Variants in AUTS2 observed in about 807,000 individuals in gnomAD.
The protein encoded by AUTS2 is activator of transcription and developmental regulator AUTS2.
A neutral mutation model predicts 112.4 loss-of-function variants in AUTS2; 17 were observed. That is an observed-to-expected ratio of 0.15 (90% CI 0.10 to 0.23). The LOEUF (loss-of-function observed/expected upper bound fraction) is 0.23, where lower values mean the gene tolerates loss of function less well. Ranked by LOEUF, AUTS2 falls within the 10% of genes least tolerant of loss-of-function variation. The pLI is 1.00. For synonymous variants in AUTS2, 751 were observed against 702.7 expected (o/e 1.07, Z -1.09); for missense variants, 1,510 against 1,701.6 (o/e 0.89, Z 1.98).
chr7:70,392,022 C>A (rs1793886200), intron 4 of AUTS2, among the ~76,000 whole-genome samples: 1 of 152,144 alleles, frequency 6.6e-6, no homozygotes, highest in South Asian at 2.1e-4. Context: ...AGTGAAGTTT[C>A]CCCCGGGAAA....
intron 4 of AUTS2, among the ~76,000 whole-genome samples, chr7:70,375,171 A>C (rs1052679434): frequency 1.3e-5 from 2 of 152,204 alleles, no homozygotes; most frequent in African/African-American, 4.8e-5. Flanking sequence ...CTGATTCAAT[A>C]TGTTAAATGT....
chr7:70,554,393 C>CTTTTTTTTTTTTTTT (rs34757734), intron 5 of AUTS2, among the ~76,000 whole-genome samples: 3 of 116,046 alleles, frequency 2.6e-5, no homozygotes, highest in African/African-American at 6.9e-5. Flanking sequence ...TCTTTTCTTT[C>CTTTTTTTTTTTTTTT]TTTTTTTTTT....
intron 2 of AUTS2, among the ~76,000 whole-genome samples, chr7:70,078,128 T>G (rs571624130): frequency 5.1e-4 from 77 of 152,294 alleles, no homozygotes; most frequent in African/African-American, 1.8e-3. Flanking sequence ...GACTCTGGTT[T>G]AGTCCTTACA....
intron 4 of AUTS2, among the ~76,000 whole-genome samples, chr7:70,169,883 AG>A (rs1402068528): frequency 6.6e-6 from 1 of 152,144 alleles, no homozygotes; most frequent in East Asian, 1.9e-4. Context: ...AATTCTAGAT[AG>A]TGATGCCACA....
intron 2 of AUTS2, among the ~76,000 whole-genome samples, chr7:70,043,033 A>C (rs1801315137): frequency 6.6e-6 from 1 of 150,748 alleles, no homozygotes; most frequent in African/African-American, 2.5e-5. Context: ...AAAAAAAAAA[A>C]CCTTGCAGAG....
chr7:70,709,051 G>A (rs1302667919), intron 6 of AUTS2, among the ~76,000 whole-genome samples: 11 of 151,580 alleles, frequency 7.3e-5, no homozygotes, highest in Non-Finnish European at 1.0e-4. Flanking sequence ...CCGAGTAGCT[G>A]GGATTACAGG....
rs200932707 is a variant in AUTS2 at position 70,681,526 on chromosome 7, T to TA, written c.691-17043_691-17042insA. ...ATCAGTGTACATATATATATATATA[T>TA]TTTTTTTTTCTTCTGTATGCAAAGA... is the stretch of plus-strand genomic sequence containing the variant. On this transcript the variant is annotated intron_variant, in intron 5 of 18. Transcript: ENST00000342771. 7.4e-3 allele frequency among the ~76,000 whole-genome samples: 567 copies of TA among 76,942 alleles called. 1 individual carries two copies. Among genetic ancestry groups the TA allele is most frequent in the African/African-American group, 0.017 (386 of 23,166 alleles). The allele number at this position is 76,942 out of a possible 152,430, so 50.5% of individuals were successfully genotyped here.
intron 4 of AUTS2, among the ~76,000 whole-genome samples, chr7:70,376,074 C>G (rs1420299662): frequency 1.3e-5 from 2 of 151,566 alleles, no homozygotes; most frequent in East Asian, 3.9e-4. Context: ...TCAGATTTCT[C>G]TGCTGCTTTC....
At position 69,599,361 on chromosome 7, in the gene AUTS2, C is replaced by A; in HGVS notation, c.-293C>A. On this transcript the variant is annotated 5_prime_UTR_variant, in exon 1 of 19. Coordinates refer to ENST00000342771, the MANE Select transcript of AUTS2 (RefSeq NM_015570.4). This position sits in a 1 kb window ranked among gnomAD's most constrained non-coding sequence, Gnocchi z 7.0. ...TGTGTTCAGCCATTACTTTGCTCGG[C>A]GCTGCTCCCAGGCATCTCCGACCCT... 1 of 329,970 alleles carries A rather than the reference C, an allele frequency of 3.0e-6. No individual in the cohort carries two copies. Among genetic ancestry groups the A allele is most frequent in the Non-Finnish European group, 5.5e-6 (1 of 182,366 alleles). 20.4% of individuals were successfully genotyped at this position (329,970 alleles called of 1,614,324 possible).
intron 4 of AUTS2, among the ~76,000 whole-genome samples, chr7:70,420,171 T>C (rs1795157490): frequency 6.6e-6 from 1 of 152,238 alleles, no homozygotes; most frequent in African/African-American, 2.4e-5. Flanking sequence ...ATTTTGGATT[T>C]TTTAGTGGGA....
chr7:70,683,724 G>A (rs113783703), intron 5 of AUTS2, among the ~76,000 whole-genome samples: 166 of 152,370 alleles, frequency 1.1e-3, no homozygotes, highest in African/African-American at 3.9e-3. Context: ...GGTCTTTGTA[G>A]GCACACAGGC....
chr7:69,938,111 C>G (rs1209077689), intron 2 of AUTS2, among the ~76,000 whole-genome samples: 1 of 152,272 alleles, frequency 6.6e-6, no homozygotes, highest in Middle Eastern at 3.4e-3. Flanking sequence ...AAAGCCCTTC[C>G]TTGAACTCAT....
chr7:70,669,151 C>T (rs535015453), intron 5 of AUTS2, among the ~76,000 whole-genome samples: 10 of 152,324 alleles, frequency 6.6e-5, no homozygotes, highest in Middle Eastern at 3.4e-3. Context: ...ACCCGAACAG[C>T]GGTCAGAAGT....
At chr7:69,912,811 G>C (rs1795417181) in intron 2 of AUTS2, among the ~76,000 whole-genome samples, 1 of 152,182 alleles carries the variant, frequency 6.6e-6, no homozygotes, top group African/African-American at 2.4e-5. Flanking sequence ...TCTGCTCTCA[G>C]AGTCACAAAA....
At position 69,620,040 on chromosome 7, in the gene AUTS2, A is replaced by G. The variant is rs1389096644; in HGVS notation, c.309+20078A>G. 5.3e-5 allele frequency among the ~76,000 whole-genome samples: 8 copies of G among 152,228 alleles called. No homozygotes were observed. In the East Asian group the frequency reaches 1.3e-3, roughly 26 times the overall value. On this transcript the variant is annotated intron_variant, in intron 1 of 18. Transcript: ENST00000342771. ...TCATGAATCTACTTCTTCAAGAGAA[A>G]TTAAGTGCTGAGACATTAAAGCTTC...
intron 4 of AUTS2, among the ~76,000 whole-genome samples, chr7:70,261,269 A>G (rs1302159977): frequency 7.9e-5 from 12 of 152,198 alleles, no homozygotes; most frequent in Admixed American, 7.8e-4. Flanking sequence ...AAATTCTAGA[A>G]CCAACAAAAC....
intron 1 of AUTS2, among the ~76,000 whole-genome samples, chr7:69,732,048 G>A (rs1180451315): frequency 6.6e-6 from 1 of 151,840 alleles, no homozygotes; most frequent in Non-Finnish European, 1.5e-5. Flanking sequence ...TATCACAGTA[G>A]ATGCTGTAAG....
At position 70,065,683 on chromosome 7, in the gene AUTS2, G is replaced by A. The variant is rs373434534; in HGVS notation, c.523-52449G>A. Among the ~76,000 whole-genome samples, 4 of 152,142 alleles carry A rather than the reference G, an allele frequency of 2.6e-5. No homozygotes were observed. In the East Asian group the frequency reaches 5.8e-4, roughly 22 times the overall value. ...CTGCACTCCAGTCTGAGCAACCAGAGTGAAACTCCATCTCAAAAAAATATA... is the reference window on the plus strand; with the variant it reads ...CTGCACTCCAGTCTGAGCAACCAGAATGAAACTCCATCTCAAAAAAATATA... On this transcript the variant is annotated intron_variant, in intron 2 of 18. Transcript: ENST00000342771.
chr7:70,280,715 G>A (rs1035032767), intron 4 of AUTS2, among the ~76,000 whole-genome samples: 61 of 152,042 alleles, frequency 4.0e-4, no homozygotes, highest in African/African-American at 1.4e-3. Context: ...AAAACACTCC[G>A]TCCCCAACCC....
Sources: allele counts gnomAD v4.1 joint callset (sites outside exome capture counted in the v4.1 genomes callset), GRCh38; gene constraint gnomAD v4.1.1; non-coding constraint Gnocchi (gnomAD v3.1); transcripts MANE v1.5; gene names NCBI Gene and HGNC (gene_info 2026-07-23, HGNC 2026-07-21).